Variants in AFF3 observed in about 807,000 individuals in gnomAD.
AFF3 encodes the protein ALF transcription elongation factor 3.
AFF3 carries 32 observed loss-of-function variants against 129.7 expected under a neutral mutation model. The ratio of observed to expected loss-of-function variants is 0.25; its 90% CI spans 0.19 to 0.33. The LOEUF (loss-of-function observed/expected upper bound fraction) is 0.33. AFF3 is among the 10% of genes least tolerant of loss of function. The probability of loss-of-function intolerance (pLI) is 1.00; values close to 1 mark genes in which losing one functional copy is unlikely to be tolerated. For synonymous variants in AFF3, 644 were observed against 635.4 expected (o/e 1.01, Z -0.20); for missense variants, 1,373 against 1,592.0 (o/e 0.86, Z 2.34).
chr2:99,701,180 G>T (rs921103580), intron 11 of AFF3, among the ~76,000 whole-genome samples: 1 of 152,038 alleles, frequency 6.6e-6, no homozygotes, highest in Non-Finnish European at 1.5e-5. Context: ...GCAAGGTGGC[G>T]GCAGGATAGA....
chr2:99,613,127 C>T (rs529379603), intron 13 of AFF3, among the ~76,000 whole-genome samples: 4 of 152,258 alleles, frequency 2.6e-5, no homozygotes, highest in South Asian at 2.1e-4. Context: ...TTAGCTTGCT[C>T]GCATTTTATT....
At chr2:99,878,721 T>C (rs1455551083) in intron 7 of AFF3, among the ~76,000 whole-genome samples, 1 of 152,166 alleles carries the variant, frequency 6.6e-6, no homozygotes, top group Admixed American at 6.5e-5. Context: ...AACTCTTGAT[T>C]TGGAAATAAT....
intron 7 of AFF3, among the ~76,000 whole-genome samples, chr2:99,963,775 T>A (rs946858907): frequency 6.6e-6 from 1 of 151,898 alleles, no homozygotes; most frequent in Non-Finnish European, 1.5e-5. Flanking sequence ...CCCAAACATA[T>A]CAATAATTAC....
chr2:100,069,319 T>C (rs1363633425), intron 4 of AFF3, among the ~76,000 whole-genome samples: 1 of 152,168 alleles, frequency 6.6e-6, no homozygotes, highest in Non-Finnish European at 1.5e-5. Flanking sequence ...CTTCAAAATC[T>C]TACCCTCCAG....
At chr2:99,893,630 C>T (rs772917065) in intron 7 of AFF3, among the ~76,000 whole-genome samples, 43 of 152,282 alleles carry the variant, frequency 2.8e-4, no homozygotes, top group African/African-American at 8.4e-4. Context: ...CTCCAGAATT[C>T]GGGGAAAATA....
chr2:99,895,613 C>T (rs939612276), intron 7 of AFF3, among the ~76,000 whole-genome samples: 7 of 152,150 alleles, frequency 4.6e-5, no homozygotes, highest in African/African-American at 1.4e-4. Context: ...AGCCCCTCAC[C>T]ACCGTGCCAG....
At chr2:99,849,700 T>C (rs966830765) in intron 7 of AFF3, among the ~76,000 whole-genome samples, 25 of 152,242 alleles carry the variant, frequency 1.6e-4, no homozygotes, top group African/African-American at 5.8e-4. Context: ...AAAGCAATGA[T>C]TACTAGGAGG....
chr2:99,958,972 C>T (rs1045187150), intron 7 of AFF3, among the ~76,000 whole-genome samples: 2 of 151,828 alleles, frequency 1.3e-5, no homozygotes, highest in Admixed American at 6.6e-5. Flanking sequence ...ATTAGCCAGG[C>T]GTGGGTCACA....
chr2:99,599,799 A>G (rs1184777693), intron 14 of AFF3, among the ~76,000 whole-genome samples: 1 of 152,236 alleles, frequency 6.6e-6, no homozygotes, highest in Non-Finnish European at 1.5e-5. Flanking sequence ...TCCACAAAGT[A>G]TAGCATAAAG....
At chr2:99,781,920 T>C (rs964610210) in intron 8 of AFF3, among the ~76,000 whole-genome samples, 2 of 152,168 alleles carry the variant, frequency 1.3e-5, no homozygotes, top group Non-Finnish European at 2.9e-5. Flanking sequence ...TATAATTCTG[T>C]TTTCTATAAA....
Position 99,565,565 on chromosome 2 carries a change from C to G in AFF3, c.3041G>C (p.Cys1014Ser). ...YAEAALSFIE[C>S]GNAMEQGPME... Reference sequence around the variant, plus strand: ...GGGGCCTTGTTCCATTGCATTTCCACACTCGATAAACGACAATGCTGCTTC... The same window carrying G: ...GGGGCCTTGTTCCATTGCATTTCCAGACTCGATAAACGACAATGCTGCTTC... The change falls in exon 20 of 25, where the codon TGT (cysteine) becomes TCT (serine). Residue 1014 changes from cysteine (C) to serine (S), a missense_variant. By Grantham distance (112) the Cys-to-Ser change is moderately radical. Coordinates refer to ENST00000672756, the MANE Select transcript of AFF3 (RefSeq NM_001386135.1). 1 of 1,614,198 alleles carries G rather than the reference C, an allele frequency of 6.2e-7. No individual in the cohort carries two copies. Among genetic ancestry groups the G allele is most frequent in the Non-Finnish European group, 8.5e-7 (1 of 1,180,032 alleles).
At chr2:99,973,413 C>T (rs990822942) in intron 7 of AFF3, among the ~76,000 whole-genome samples, 2 of 152,344 alleles carry the variant, frequency 1.3e-5, no homozygotes, top group Non-Finnish European at 2.9e-5. Flanking sequence ...AGTCGTTCTA[C>T]TGGCTCCACT....
intron 11 of AFF3, among the ~76,000 whole-genome samples, chr2:99,694,093 T>G (rs368402056): frequency 2.0e-5 from 3 of 152,058 alleles, no homozygotes; most frequent in African/African-American, 7.2e-5. Context: ...AATTTTTGTA[T>G]TTTTAGTAGT....
chr2:99,917,968 A>G (rs989616538), intron 7 of AFF3, among the ~76,000 whole-genome samples: 1 of 152,172 alleles, frequency 6.6e-6, no homozygotes, highest in Non-Finnish European at 1.5e-5. Flanking sequence ...AATCTTCACA[A>G]ATTCTTATAG....
chr2:99,568,855 T>G lies in AFF3; in HGVS notation c.2979A>C (p.Ala993=). ...EAKRMKHKAD[A]MVEKFGKALN... ...TCTGGAAAGAAAAGGGTCTCACCATTGCATCTGCTTTATGCTTCATTCGTT... is the reference window on the plus strand; with the variant it reads ...TCTGGAAAGAAAAGGGTCTCACCATGGCATCTGCTTTATGCTTCATTCGTT... Residue 993 remains alanine (A), a synonymous_variant, in exon 19 of 25, where the codon GCA becomes GCC. Transcript: ENST00000672756. 1 of 1,614,106 alleles carries G rather than the reference T, an allele frequency of 6.2e-7. No homozygotes were observed. The highest frequency in any genetic ancestry group is 8.5e-7 in the Non-Finnish European group (1 of 1,179,954).
intron 4 of AFF3, among the ~76,000 whole-genome samples, chr2:100,079,127 T>C (rs1213066065): frequency 2.6e-5 from 4 of 152,052 alleles, no homozygotes; most frequent in Non-Finnish European, 5.9e-5. Context: ...TTTGTATTTT[T>C]AGTAGAGACG....
intron 13 of AFF3, among the ~76,000 whole-genome samples, chr2:99,602,721 G>A (rs1679958376): frequency 6.6e-6 from 1 of 152,206 alleles, no homozygotes; most frequent in Non-Finnish European, 1.5e-5. Context: ...ATGAAGGCCA[G>A]GGGCCAGGGA....
chr2:100,053,544 T>G (rs924975392), intron 4 of AFF3, among the ~76,000 whole-genome samples: 2 of 152,244 alleles, frequency 1.3e-5, no homozygotes, highest in Non-Finnish European at 2.9e-5. Flanking sequence ...AGATAATGTA[T>G]AAGAAGCACC....
intron 13 of AFF3, among the ~76,000 whole-genome samples, chr2:99,624,241 G>A (rs920395271): frequency 3.9e-5 from 6 of 152,038 alleles, no homozygotes; most frequent in Non-Finnish European, 7.4e-5. Context: ...GTAGAAAGGT[G>A]GAAGAAAATT....
Sources: gnomAD v4.1 joint callset for allele counts (sites outside exome capture counted in the v4.1 genomes callset) on GRCh38, gnomAD v4.1.1 for gene constraint, MANE v1.5 for transcripts, NCBI Gene and HGNC (gene_info 2026-07-23, HGNC 2026-07-21) for gene names.